LINGO2: variants seen among roughly 807,000 people sequenced by gnomAD.
The protein encoded by LINGO2 is leucine rich repeat and Ig domain containing 2, also known as leucine-rich repeat and immunoglobulin-like domain-containing nogo receptor-interacting protein 2.
In LINGO2, 14 loss-of-function variants were observed where a neutral mutation model predicts 30.6. The ratio of observed to expected loss-of-function variants is 0.46; its 90% confidence interval spans 0.30 to 0.72. The LOEUF is 0.72. Ranked by LOEUF, LINGO2 falls within the 30% of genes least tolerant of loss-of-function variation. The pLI, the probability that LINGO2 is intolerant of heterozygous loss-of-function variation, is 0.07. For missense variants in LINGO2, 729 were observed against 751.7 expected, an observed-to-expected ratio of 0.97 and a Z score of 0.35; for synonymous variants, 317 against 288.5, an observed-to-expected ratio of 1.10 and a Z score of -1.00.
intron 5 of LINGO2, among the ~76,000 whole-genome samples, chr9:27,966,461 A>G (rs960604053): frequency 6.6e-6 from 1 of 152,160 alleles, no homozygotes; most frequent in African/African-American, 2.4e-5. Flanking sequence ...TCAACAAACT[A>G]ACACAGGAAC....
At chr9:28,387,241 C>G (rs1337462624) in intron 2 of LINGO2, among the ~76,000 whole-genome samples, 2 of 152,044 alleles carry the variant, frequency 1.3e-5, no homozygotes, top group Admixed American at 6.5e-5. Flanking sequence ...ACCCACCAAT[C>G]AGCACTCTGT....
At chr9:28,388,785 T>C (rs1467828117) in intron 2 of LINGO2, among the ~76,000 whole-genome samples, 1 of 152,342 alleles carries the variant, frequency 6.6e-6, no homozygotes, top group East Asian at 1.9e-4. Flanking sequence ...CTGAGTCAAA[T>C]GTGAACTAAA....
the LINGO2 span, among the ~76,000 whole-genome samples, chr9:29,054,618 C>G: frequency 2.0e-5 from 3 of 151,868 alleles, no homozygotes; most frequent in Non-Finnish European, 2.9e-5. Context: ...TCTGTGTTCA[C>G]AATTATGTAA....
chr9:28,032,353 G>A (rs933868231), intron 4 of LINGO2, among the ~76,000 whole-genome samples: 1 of 152,132 alleles, frequency 6.6e-6, no homozygotes, highest in Non-Finnish European at 1.5e-5. Flanking sequence ...CAGTCTCCAG[G>A]GCTATAGGAA....
At chr9:29,135,013 ATTGT>A in the LINGO2 span, among the ~76,000 whole-genome samples, 6 of 151,716 alleles carry the variant, frequency 4.0e-5, no homozygotes, top group Non-Finnish European at 8.8e-5. Flanking sequence ...AATTTTTTTT[ATTGT>A]TTTAGTTTGA....
the LINGO2 span, among the ~76,000 whole-genome samples, chr9:29,027,576 G>T: frequency 2.0e-5 from 3 of 152,098 alleles, no homozygotes; most frequent in African/African-American, 7.2e-5. Context: ...GACCCCAAGT[G>T]ATCAGCTCAC....
chr9:28,440,486 C>T (rs1824148587), intron 2 of LINGO2, among the ~76,000 whole-genome samples: 2 of 152,064 alleles, frequency 1.3e-5, no homozygotes, highest in South Asian at 4.1e-4. Flanking sequence ...AGAATGTTAC[C>T]TCTGATATTA....
At chr9:27,990,393 A>G (rs1394415928) in intron 5 of LINGO2, among the ~76,000 whole-genome samples, 1 of 151,392 alleles carries the variant, frequency 6.6e-6, no homozygotes, top group African/African-American at 2.4e-5. Context: ...TCCTCAGCAC[A>G]TTGGATATAT....
chr9:29,190,520 T>C, the LINGO2 span, among the ~76,000 whole-genome samples: 1 of 152,152 alleles, frequency 6.6e-6, no homozygotes, highest in Non-Finnish European at 1.5e-5. Context: ...TCCCAGTGTT[T>C]TTCTGAAAAC....
chr9:28,617,277 A>G (rs1826171182), intron 1 of LINGO2, among the ~76,000 whole-genome samples: 1 of 151,760 alleles, frequency 6.6e-6, no homozygotes, highest in Non-Finnish European at 1.5e-5. Flanking sequence ...AGTTTAATCT[A>G]AAGAATATTT....
At chr9:28,765,882 T>A in the LINGO2 span, among the ~76,000 whole-genome samples, 1 of 151,844 alleles carries the variant, frequency 6.6e-6, no homozygotes, top group Admixed American at 6.6e-5. Flanking sequence ...GTGGGAAAAT[T>A]AGATTTCCAC....
At chr9:28,919,610 G>A in the LINGO2 span, among the ~76,000 whole-genome samples, 1 of 152,080 alleles carries the variant, frequency 6.6e-6, no homozygotes. Flanking sequence ...CATAGGCAAT[G>A]GACTCAAAGC....
intron 4 of LINGO2, among the ~76,000 whole-genome samples, chr9:28,053,112 A>G (rs1337794414): frequency 6.6e-6 from 1 of 152,070 alleles, no homozygotes; most frequent in East Asian, 1.9e-4. Flanking sequence ...GGGGAACCAT[A>G]AGGTATAATG....
intron 4 of LINGO2, among the ~76,000 whole-genome samples, chr9:28,119,562 C>T (rs1216865805): frequency 6.6e-6 from 1 of 152,182 alleles, no homozygotes; most frequent in African/African-American, 2.4e-5. Context: ...AGCAGTGTGG[C>T]TGGCACAAAG....
chr9:27,961,470 T>C (rs16912092), intron 5 of LINGO2, among the ~76,000 whole-genome samples: 9,912 of 152,064 alleles, frequency 0.065, 908 homozygotes, highest in African/African-American at 0.19. Context: ...CACTCTGCAA[T>C]TGGGGACACA....
At chr9:28,278,326 A>T (rs1019448076) in intron 4 of LINGO2, among the ~76,000 whole-genome samples, 4 of 152,204 alleles carry the variant, frequency 2.6e-5, no homozygotes, top group African/African-American at 9.6e-5. Context: ...AGATAATTAC[A>T]CCAAACAATA....
the LINGO2 span, among the ~76,000 whole-genome samples, chr9:28,878,312 C>G: frequency 6.6e-6 from 1 of 152,092 alleles, no homozygotes; most frequent in Non-Finnish European, 1.5e-5. Flanking sequence ...TCCGAATAGA[C>G]CAATAACAGG....
the LINGO2 span, among the ~76,000 whole-genome samples, chr9:29,065,464 CCA>C: frequency 3.3e-5 from 5 of 152,068 alleles, no homozygotes; most frequent in African/African-American, 4.8e-5. Flanking sequence ...AGGAACGGGT[CCA>C]GTTTCAATCT....
intron 1 of LINGO2, among the ~76,000 whole-genome samples, chr9:28,643,320 T>G (rs745401842): frequency 6.6e-6 from 1 of 152,006 alleles, no homozygotes; most frequent in African/African-American, 2.4e-5. Context: ...CAAAAAAGCA[T>G]GCTACTGGCA....
Sources: gnomAD v4.1 joint callset for allele counts (sites outside exome capture counted in the v4.1 genomes callset) on GRCh38, gnomAD v4.1.1 for gene constraint, MANE v1.5 for transcripts, NCBI Gene and HGNC (gene_info 2026-07-23, HGNC 2026-07-21) for gene names.